The following ASZ1 variants were observed in gnomAD, a reference collection of about 807,000 sequenced individuals.
The protein encoded by ASZ1 is ankyrin repeat, SAM and basic leucine zipper domain containing 1.
In ASZ1, 67 loss-of-function variants were observed where a neutral mutation model predicts 61.8. The ratio of observed to expected loss-of-function variants is 1.08; its 90% confidence interval spans 0.89 to 1.33. The LOEUF (loss-of-function observed/expected upper bound fraction) is 1.33. Among genes scored for constraint, ASZ1 ranks in the 40% most tolerant of loss-of-function variants. The pLI, the probability that ASZ1 is intolerant of heterozygous loss-of-function variation, is 0.00. For missense variants in ASZ1, 577 were observed against 554.5 expected (o/e 1.04, Z -0.41); for synonymous variants, 193 against 192.7 (o/e 1.00, Z -0.01).
At chr7:117,419,753 G>A (rs1797064339) in intron 4 of ASZ1, among the ~76,000 whole-genome samples, 1 of 152,122 alleles carries the variant, frequency 6.6e-6, no homozygotes, top group Non-Finnish European at 1.5e-5. Flanking sequence ...TAAGAAAATG[G>A]AAACAATTAG....
At position 117,383,095 on chromosome 7, in the gene ASZ1, AAAGT is replaced by A. The variant is rs771850241; in HGVS notation, c.699_702del (p.Leu233PhefsTer5). 4.5e-6 allele frequency: 7 copies of A among 1,564,628 alleles called. No individual in the cohort carries two copies. The highest frequency in any genetic ancestry group is 1.4e-5 in the African/African-American group (1 of 72,224). On this transcript the variant is annotated frameshift_variant, in exon 7 of 13. Coordinates refer to ENST00000284629, the MANE Select transcript of ASZ1 (RefSeq NM_130768.3). LOFTEE classifies it high-confidence loss of function. ...CCTTCCAATGGATTTAAAGTAAAAG[AAAGT>A]AAGTTGAAGATCTGAAAAAAGTTAA...
At chr7:117,382,352 A>G (rs1562849036) in intron 7 of ASZ1, among the ~76,000 whole-genome samples, 2 of 152,178 alleles carry the variant, frequency 1.3e-5, no homozygotes, top group South Asian at 4.1e-4. Flanking sequence ...TCTTTCCCCA[A>G]ATGAAAATAT....
chr7:117,382,260 T>C, intron 7 of ASZ1, 116 bp from the exon 8 acceptor site: 1 of 683,264 alleles, frequency 1.5e-6, no homozygotes, highest in South Asian at 1.8e-5. Context: ...AGAATATATT[T>C]GCAATCTGCA....
intron 10 of ASZ1, among the ~76,000 whole-genome samples, chr7:117,379,639 T>A (rs544319045): frequency 6.6e-6 from 1 of 151,914 alleles, no homozygotes; most frequent in South Asian, 2.1e-4. Context: ...AAAGGTATAC[T>A]ATAAAAAGCA....
chr7:117,396,340 A>T (rs771770979), intron 4 of ASZ1, among the ~76,000 whole-genome samples: 6 of 152,356 alleles, frequency 3.9e-5, no homozygotes, highest in Non-Finnish European at 5.9e-5. Context: ...AAGTGCTTAC[A>T]ACAAGCATCC....
chr7:117,376,145 C>T (rs1446654978), intron 10 of ASZ1, among the ~76,000 whole-genome samples: 3 of 152,000 alleles, frequency 2.0e-5, no homozygotes, highest in African/African-American at 7.2e-5. Flanking sequence ...ATCCCACAGC[C>T]ATCCAAAGAG....
chr7:117,382,033 TA>T, intron 8 of ASZ1, 35 bp downstream of exon 8: 1 of 1,265,052 alleles, frequency 7.9e-7, no homozygotes. Flanking sequence ...AATTAACATA[TA>T]TGCATAACTC....
chr7:117,386,275 GTATTCTATTATGATTCTACTT>G (rs1470800234), intron 4 of ASZ1, among the ~76,000 whole-genome samples: 1 of 152,132 alleles, frequency 6.6e-6, no homozygotes, highest in Non-Finnish European at 1.5e-5. Context: ...ATTCCTTAAT[GTATTCTATTATGATTCTACTT>G]TAGTCTGAGA....
chr7:117,377,855 C>T (rs1190081560), intron 10 of ASZ1, among the ~76,000 whole-genome samples: 1 of 151,758 alleles, frequency 6.6e-6, no homozygotes, highest in Non-Finnish European at 1.5e-5. Context: ...CATAAAGAAC[C>T]CAGAATAGAG....
At chr7:117,378,534 A>C (rs74699733) in intron 10 of ASZ1, among the ~76,000 whole-genome samples, 3,472 of 152,194 alleles carry the variant, frequency 0.023, 133 homozygotes, top group African/African-American at 0.08. Flanking sequence ...ACACCAAATG[A>C]TTGTGAGGAT....
intron 5 of ASZ1, 130 bp from the exon 6 acceptor site, chr7:117,384,990 T>C: frequency 1.2e-6 from 1 of 818,582 alleles, no homozygotes; most frequent in Non-Finnish European, 1.8e-6. Flanking sequence ...TGATGCAATC[T>C]CTTCATTTTA....
At chr7:117,379,168 T>TATATATATACACACACACAC (rs1161457624) in intron 10 of ASZ1, among the ~76,000 whole-genome samples, 14 of 69,704 alleles carry the variant, frequency 2.0e-4, no homozygotes, top group African/African-American at 7.1e-4. Context: ...TATATATATA[T>TATATATATACACACACACAC]ACACACACAC....
chr7:117,372,674 C>T (rs1007831882), intron 10 of ASZ1, among the ~76,000 whole-genome samples: 3 of 152,084 alleles, frequency 2.0e-5, no homozygotes, highest in South Asian at 2.1e-4. Flanking sequence ...AGGTATTATG[C>T]GCTCACTGTA....
chr7:117,405,263 C>T (rs985667377), intron 4 of ASZ1, among the ~76,000 whole-genome samples: 2 of 152,196 alleles, frequency 1.3e-5, no homozygotes, highest in Non-Finnish European at 2.9e-5. Context: ...ACGTGGTAAG[C>T]CAGAGTGTCC....
At chr7:117,424,590 TG>T (rs1454454639) in intron 2 of ASZ1, among the ~76,000 whole-genome samples, 24 of 152,208 alleles carry the variant, frequency 1.6e-4, no homozygotes, top group Non-Finnish European at 2.8e-4. Context: ...TTCAAGAGAC[TG>T]AAAAGCTCAC....
Position 117,384,384 on chromosome 7 carries a change from G to A in ASZ1, c.687+342C>T, listed in dbSNP as rs186205919. The stretch of plus-strand genomic sequence containing the variant: ...AATGTTTGAGTTACATGTTCAAACT[G>A]GCATTTTACTAGCTTTCACTAAATT... On this transcript the variant is annotated intron_variant, in intron 6 of 12. Transcript: ENST00000284629. 2.2e-3 allele frequency among the ~76,000 whole-genome samples: 338 copies of A among 152,118 alleles called. 4 individuals carry two copies. The Middle Eastern group carries it at 0.031, about 14-fold the overall frequency.
intron 4 of ASZ1, among the ~76,000 whole-genome samples, chr7:117,407,692 T>C (rs113308180): frequency 1.3e-5 from 2 of 152,322 alleles, no homozygotes; most frequent in African/African-American, 4.8e-5. Flanking sequence ...ACCCTTTTTC[T>C]TCTTGTGATG....
chr7:117,388,471 T>G (rs1161153461), intron 4 of ASZ1, among the ~76,000 whole-genome samples: 1 of 152,096 alleles, frequency 6.6e-6, no homozygotes, highest in African/African-American at 2.4e-5. Context: ...GCAATTATCC[T>G]AGGAATGCAA....
At chr7:117,372,378 C>A (rs1584717705) in intron 10 of ASZ1, among the ~76,000 whole-genome samples, 1 of 152,222 alleles carries the variant, frequency 6.6e-6, no homozygotes, top group East Asian at 1.9e-4. Flanking sequence ...CTTCAAGAGC[C>A]ACTGAATGAT....
Sources: gnomAD v4.1 joint callset for allele counts (sites outside exome capture counted in the v4.1 genomes callset) on GRCh38, gnomAD v4.1.1 for gene constraint, MANE v1.5 for transcripts, NCBI Gene and HGNC (gene_info 2026-07-23, HGNC 2026-07-21) for gene names.